ZMYM4: variants seen among roughly 807,000 people sequenced by gnomAD.
ZMYM4 encodes the protein zinc finger MYM-type protein 4.
A neutral mutation model predicts 183.2 loss-of-function variants in ZMYM4; 31 were observed. The ratio of observed to expected loss-of-function variants is 0.17; its 90% CI spans 0.13 to 0.23. ZMYM4 has a LOEUF of 0.23. Ranked by LOEUF, ZMYM4 falls within the 10% of genes least tolerant of loss-of-function variation. The pLI, the probability that ZMYM4 is intolerant of heterozygous loss-of-function variation, is 1.00. For synonymous variants in ZMYM4, 592 were observed against 631.2 expected (o/e 0.94, Z 0.93); for missense variants, 1,273 against 1,840.3 (o/e 0.69, Z 5.64).
chr1:35,270,164 C>A (rs1394122996), intron 1 of ZMYM4, among the ~76,000 whole-genome samples: 1 of 152,090 alleles, frequency 6.6e-6, no homozygotes, highest in Non-Finnish European at 1.5e-5. Context: ...AACCTATTTG[C>A]AGATGAGGAA....
At chr1:35,390,135 T>G (rs1644672287) in intron 15 of ZMYM4, 37 bp downstream of exon 15, 1 of 1,597,946 alleles carries the variant, frequency 6.3e-7, no homozygotes, top group African/African-American at 1.3e-5. Flanking sequence ...GAGTCTTTGG[T>G]CAATACTAGG....
At chr1:35,327,294 C>A (rs1236074560) in intron 2 of ZMYM4, among the ~76,000 whole-genome samples, 1 of 152,192 alleles carries the variant, frequency 6.6e-6, no homozygotes, top group Non-Finnish European at 1.5e-5. Flanking sequence ...TTATTAAGAA[C>A]ATTGAATATG....
intron 7 of ZMYM4, among the ~76,000 whole-genome samples, chr1:35,376,182 A>G (rs1358359211): frequency 6.6e-6 from 1 of 152,186 alleles, no homozygotes; most frequent in East Asian, 1.9e-4. Flanking sequence ...TCAAAGAAGT[A>G]ACACCCAGAT....
chr1:35,352,969 C>A (rs1262825642), intron 2 of ZMYM4, among the ~76,000 whole-genome samples: 1 of 152,198 alleles, frequency 6.6e-6, no homozygotes, highest in Non-Finnish European at 1.5e-5. Context: ...CAACTGTCTT[C>A]TTGATATTTC....
At chr1:35,336,667 A>G (rs1642987911) in intron 2 of ZMYM4, among the ~76,000 whole-genome samples, 1 of 152,084 alleles carries the variant, frequency 6.6e-6, no homozygotes, top group African/African-American at 2.4e-5. Flanking sequence ...AGCCCTCCAA[A>G]ATGCTGGGAT....
intron 26 of ZMYM4, among the ~76,000 whole-genome samples, chr1:35,408,480 G>C (rs764021647): frequency 1.3e-5 from 2 of 152,128 alleles, no homozygotes; most frequent in African/African-American, 4.8e-5. Flanking sequence ...GCTCACACCT[G>C]TATTCCTAGC....
chr1:35,364,721 T>A (rs1426074847), intron 5 of ZMYM4, among the ~76,000 whole-genome samples: 2 of 152,204 alleles, frequency 1.3e-5, no homozygotes, highest in East Asian at 3.8e-4. Flanking sequence ...ATCATAGCTT[T>A]AGTTTATGGC....
rs1570414158 is a variant in ZMYM4 at position 35,351,699 on chromosome 1, A to G, written c.86-7226A>G. ...ACAAAAAACAGAAATCAAAAAAACA[A>G]AAAACAAAAATGTGCAGGAGGAATA... On this transcript the variant is annotated intron_variant, in intron 2 of 29. Coordinates refer to ENST00000314607, the MANE Select transcript of ZMYM4 (RefSeq NM_005095.3). 1.7e-5 allele frequency: 8 copies of G among 480,262 alleles called. No homozygotes were observed. The East Asian group carries it at 2.7e-4, about 16-fold the overall frequency. 29.8% of individuals were successfully genotyped at this position (480,262 alleles called of 1,614,324 possible).
chr1:35,347,822 T>C (rs544042877), intron 2 of ZMYM4, among the ~76,000 whole-genome samples: 1 of 152,204 alleles, frequency 6.6e-6, no homozygotes, highest in African/African-American at 2.4e-5. Flanking sequence ...AAAATGACTT[T>C]TGTATTTATT....
In ZMYM4 at chr1:35,319,984, C is replaced by T. The variant is rs145461610; in HGVS notation, c.40-5376C>T. Among the ~76,000 whole-genome samples the T allele has an allele frequency of 3.3e-4, 50 of 152,204 alleles. 1 individual carries two copies. The highest frequency in any genetic ancestry group is 3.3e-4 in the Admixed American group (5 of 15,288). The stretch of plus-strand genomic sequence containing the variant: ...AAGACTGAGTTTTTGTTATATTTTA[C>T]GCAGTGTTGTAGGTGCTAGGCTACT... On this transcript the variant is annotated intron_variant, in intron 1 of 29. Coordinates refer to ENST00000314607, the MANE Select transcript of ZMYM4 (RefSeq NM_005095.3).
At chr1:35,399,697 C>A in intron 23 of ZMYM4, 121 bp downstream of exon 23, 1 of 1,005,298 alleles carries the variant, frequency 9.9e-7, no homozygotes, top group Non-Finnish European at 1.4e-6. Context: ...TGTTGTTTTG[C>A]AACTTTTGTT....
At chr1:35,300,637 G>A (rs1641237765) in intron 1 of ZMYM4, among the ~76,000 whole-genome samples, 1 of 151,924 alleles carries the variant, frequency 6.6e-6, no homozygotes, top group East Asian at 1.9e-4. Context: ...TTTGCTGTAT[G>A]TTCTAATTCA....
intron 2 of ZMYM4, among the ~76,000 whole-genome samples, chr1:35,356,729 G>A (rs750627880): frequency 6.6e-6 from 1 of 152,120 alleles, no homozygotes; most frequent in African/African-American, 2.4e-5. Flanking sequence ...ACCACAGAGT[G>A]GTTTCCTAAT....
At chr1:35,280,016 T>G (rs1249961719) in intron 1 of ZMYM4, among the ~76,000 whole-genome samples, 1 of 152,172 alleles carries the variant, frequency 6.6e-6, no homozygotes, top group Non-Finnish European at 1.5e-5. Flanking sequence ...AGTCTGTACT[T>G]TTCTAAAATC....
In ZMYM4 at chr1:35,352,386, G is replaced by GCACGCACACACA. The variant is rs1553171662; in HGVS notation, c.86-6536_86-6535insGCACACACACAC. Among the ~76,000 whole-genome samples, 10 of 128,472 alleles carry GCACGCACACACA rather than the reference G, an allele frequency of 7.8e-5. No individual in the cohort carries two copies. The East Asian group carries it at 1.8e-3, about 24-fold the overall frequency. The allele number at this position is 128,472 out of a possible 152,430, so 84.3% of individuals were successfully genotyped here. A position where few individuals can be genotyped will look rare whatever the true frequency, so the allele number is the denominator to read the frequency against. On this transcript the variant is annotated intron_variant, in intron 2 of 29. Transcript: ENST00000314607. The stretch of plus-strand genomic sequence containing the variant: ...CTCTACTAATAATTTAAAAATTAGC[G>GCACGCACACACA]CACACACACACACACACACACACAC...
chr1:35,379,263 G>C (rs764083926), intron 7 of ZMYM4, among the ~76,000 whole-genome samples: 4 of 151,782 alleles, frequency 2.6e-5, no homozygotes, highest in African/African-American at 9.7e-5. Context: ...ACCACGCCCA[G>C]CTAATTTTTC....
Position 35,268,884 on chromosome 1 carries a change from G to C in ZMYM4, c.-163G>C. On this transcript the variant is annotated 5_prime_UTR_variant, in exon 1 of 30. Coordinates refer to ENST00000314607, the MANE Select transcript of ZMYM4 (RefSeq NM_005095.3). ...GTGGGATCTCAGAAGCTGCGGCCCGGCGCGCGGCATCCGCCCCCTCCCCAC... is the reference window on the plus strand; with the variant it reads ...GTGGGATCTCAGAAGCTGCGGCCCGCCGCGCGGCATCCGCCCCCTCCCCAC... 2 of 713,076 alleles carry C rather than the reference G, an allele frequency of 2.8e-6. No homozygotes were observed. The highest frequency in any genetic ancestry group is 3.9e-6 in the Non-Finnish European group (2 of 512,212). The allele number at this position is 713,076 out of a possible 1,614,324, so 44.2% of individuals were successfully genotyped here. A position where few individuals can be genotyped will look rare whatever the true frequency, so the allele number is the denominator to read the frequency against.
chr1:35,287,823 C>T (rs1273455567), intron 1 of ZMYM4, among the ~76,000 whole-genome samples: 1 of 152,076 alleles, frequency 6.6e-6, no homozygotes, highest in African/African-American at 2.4e-5. Context: ...TCAGGCTGGT[C>T]TCGAACTCCT....
intron 1 of ZMYM4, among the ~76,000 whole-genome samples, chr1:35,306,109 A>G (rs1362048956): frequency 6.6e-6 from 1 of 151,970 alleles, no homozygotes; most frequent in African/African-American, 2.4e-5. Flanking sequence ...TATTGATGCC[A>G]TTTGTTCTTT....
Sources: gnomAD v4.1 joint callset for allele counts (sites outside exome capture counted in the v4.1 genomes callset) on GRCh38, gnomAD v4.1.1 for gene constraint, MANE v1.5 for transcripts, NCBI Gene and HGNC (gene_info 2026-07-23, HGNC 2026-07-21) for gene names.